The following POM121C variants were observed in gnomAD, a reference collection of about 807,000 sequenced individuals.
The protein encoded by POM121C is POM121 transmembrane nucleoporin C, also known as nuclear envelope pore membrane protein POM 121C.
Under a neutral mutation model 66.4 loss-of-function variants are expected in POM121C, and 20 were observed. The observed-to-expected ratio is 0.30, with a 90% CI of 0.21 to 0.44. POM121C has a LOEUF of 0.44. POM121C is among the 20% of genes least tolerant of loss of function. The pLI, the probability that POM121C is intolerant of heterozygous loss-of-function variation, is 1.00. For missense variants in POM121C, 580 were observed against 1,225.7 expected, an observed-to-expected ratio of 0.47 and a Z score of 7.87; for synonymous variants, 286 against 528.0, an observed-to-expected ratio of 0.54 and a Z score of 6.28.
intron 1 of POM121C, among the ~76,000 whole-genome samples, chr7:75,481,258 T>A (rs1792301141): frequency 6.6e-6 from 1 of 150,840 alleles, no homozygotes; most frequent in Non-Finnish European, 1.5e-5. Flanking sequence ...ATCAAACATA[T>A]ATTATATGTA....
chr7:75,428,932 A>C (rs1790063541), intron 7 of POM121C, among the ~76,000 whole-genome samples: 1 of 149,892 alleles, frequency 6.7e-6, no homozygotes, highest in South Asian at 2.2e-4. Context: ...CCTAGGCAAT[A>C]TAGTGAGGTC....
intron 12 of POM121C, 71 bp downstream of exon 12, chr7:75,423,978 G>T: frequency 6.5e-7 from 1 of 1,533,462 alleles, no homozygotes; most frequent in South Asian, 1.1e-5. Context: ...TGACAGGCAC[G>T]ACGCCCTTAT....
intron 7 of POM121C, among the ~76,000 whole-genome samples, chr7:75,429,515 C>T (rs1488617890): frequency 1.3e-5 from 2 of 152,108 alleles, no homozygotes; most frequent in Non-Finnish European, 2.9e-5. Context: ...CCTGTAATCT[C>T]GGCTACTTGG....
intron 3 of POM121C, among the ~76,000 whole-genome samples, chr7:75,467,597 G>A (rs1417390786): frequency 2.6e-5 from 4 of 151,190 alleles, no homozygotes; most frequent in Admixed American, 2.0e-4. Flanking sequence ...GATGGTGACC[G>A]GGTGAATGCT....
intron 3 of POM121C, among the ~76,000 whole-genome samples, chr7:75,441,972 AG>A (rs1790666413): frequency 3.5e-4 from 4 of 11,284 alleles, no homozygotes; most frequent in African/African-American, 5.2e-4. Flanking sequence ...TCTCACACCA[AG>A]CAAGAGTCAG....
intron 5 of POM121C, among the ~76,000 whole-genome samples, chr7:75,439,668 G>C (rs1489130866): frequency 6.6e-6 from 1 of 152,046 alleles, no homozygotes; most frequent in East Asian, 1.9e-4. Context: ...GTACAGGCAT[G>C]CACCACCATA....
chr7:75,422,000 G>C lies in POM121C; in HGVS notation c.2252C>G (p.Thr751Arg), dbSNP rs148157801. Residue 751 changes from threonine to arginine, a missense_variant, in exon 13 of 15, where the codon ACG becomes AGG. Transcript: ENST00000615331. ...CACGTGCGCAGGCACGATCTTGATCGTGGACGCAGGTGCAGGTGTGGGTGC... is the reference window on the plus strand; with the variant it reads ...CACGTGCGCAGGCACGATCTTGATCCTGGACGCAGGTGCAGGTGTGGGTGC... ...ATAPTPAPAS[T>R]IKIVPAHVPT... is the part of the protein sequence containing the mutation. The C allele has an allele frequency of 6.3e-7, 1 of 1,579,084 alleles. No individual in the cohort carries two copies. Among genetic ancestry groups the C allele is most frequent in the South Asian group, 1.1e-5 (1 of 89,274 alleles).
intron 3 of POM121C, among the ~76,000 whole-genome samples, chr7:75,461,720 C>A (rs1253076010): frequency 6.6e-6 from 1 of 151,912 alleles, no homozygotes; most frequent in Non-Finnish European, 1.5e-5. Context: ...CAAAACAAAT[C>A]TTAAGAAATG....
chr7:75,447,803 C>G (rs1790875414), intron 3 of POM121C, among the ~76,000 whole-genome samples: 2 of 151,828 alleles, frequency 1.3e-5, no homozygotes, highest in African/African-American at 4.8e-5. Flanking sequence ...GCAGGCGGAT[C>G]ACGAGGTCAG....
At chr7:75,439,465 A>C (rs1186371347) in intron 5 of POM121C, among the ~76,000 whole-genome samples, 5 of 152,142 alleles carry the variant, frequency 3.3e-5, no homozygotes, top group African/African-American at 1.2e-4. Flanking sequence ...CACTGCAACA[A>C]ACCTCTGCCT....
intron 3 of POM121C, among the ~76,000 whole-genome samples, chr7:75,464,658 A>T (rs1315726617): frequency 1.3e-5 from 2 of 150,090 alleles, no homozygotes; most frequent in Non-Finnish European, 3.0e-5. Flanking sequence ...GGAAAAAAAT[A>T]GAAATTATTG....
rs587606938 is a variant in POM121C at position 75,462,748 on chromosome 7, A to C, written c.-152+11956T>G. Among the ~76,000 whole-genome samples the C allele has an allele frequency of 8.2e-4, 124 of 151,970 alleles. 1 individual carries two copies. Among genetic ancestry groups the C allele is most frequent in the African/African-American group, 3.0e-3 (123 of 41,370 alleles). ...AGAGGGTATTCCTTGAAAACACTGT[A>C]AATCAAATGCATACCCTGCTGATGC... On this transcript the variant is annotated intron_variant, in intron 3 of 14. Coordinates refer to ENST00000615331, the MANE Select transcript of POM121C (RefSeq NM_001099415.3).
rs236655 is a variant in POM121C at position 75,418,889 on chromosome 7, C to T, written c.2871G>A (p.Ser957=). ...CACCAATGGAAAATGAAGGGGCCGC[C>T]GATCCTGGAAAGATTCAACAAGACC... ...QGFVGVGPFG[S]AAPSFSIGAG... Residue 957 remains serine, a synonymous_variant, in exon 15 of 15, where the codon TCG becomes TCA. Coordinates refer to ENST00000615331, the MANE Select transcript of POM121C (RefSeq NM_001099415.3). 0.016 allele frequency: 24,969 copies of T among 1,610,208 alleles called. 248 individuals are homozygous for T. The highest frequency in any genetic ancestry group is 0.017 in the Non-Finnish European group (19,592 of 1,179,178).
At chr7:75,457,756 C>T (rs1324209277) in intron 3 of POM121C, among the ~76,000 whole-genome samples, 1 of 152,230 alleles carries the variant, frequency 6.6e-6, no homozygotes, top group African/African-American at 2.4e-5. Flanking sequence ...AACCCATTTC[C>T]CGTTCCCCGT....
Position 75,442,680 on chromosome 7 carries a change from G to A in POM121C, c.-151-1033C>T, listed in dbSNP as rs782554194. ...TCCCTGACACTCGCTATCGGCCGCCGCCGCTCGCCTGCTCCAGCCGCCGCA... is the reference window on the plus strand; with the variant it reads ...TCCCTGACACTCGCTATCGGCCGCCACCGCTCGCCTGCTCCAGCCGCCGCA... On this transcript the variant is annotated intron_variant, in intron 3 of 14. Coordinates refer to ENST00000615331, the MANE Select transcript of POM121C (RefSeq NM_001099415.3). 2.4e-4 allele frequency: 342 copies of A among 1,428,400 alleles called. No individual in the cohort carries two copies. In the South Asian group the frequency reaches 4.5e-3, roughly 19 times the overall value. The allele number at this position is 1,428,400 out of a possible 1,614,324, so 88.5% of individuals were successfully genotyped here.
chr7:75,440,076 T>C (rs1434201219), intron 5 of POM121C, among the ~76,000 whole-genome samples: 1 of 151,486 alleles, frequency 6.6e-6, no homozygotes, highest in Non-Finnish European at 1.5e-5. Context: ...AGACGGGGTT[T>C]CACCATGTTG....
Position 75,421,613 on chromosome 7 carries a change from G to A in POM121C, c.2639C>T (p.Pro880Leu), listed in dbSNP as rs782024197. The A allele has an allele frequency of 6.2e-6, 10 of 1,613,536 alleles. No homozygotes were observed. The highest frequency in any genetic ancestry group is 4.4e-5 in the South Asian group (4 of 91,042). The change falls in exon 13 of 15, where the codon CCC (proline) becomes CTC (leucine). Residue 880 changes from proline (P) to leucine (L), a missense_variant. By Grantham distance (98) the Pro-to-Leu change is moderately conservative. Coordinates refer to ENST00000615331, the MANE Select transcript of POM121C (RefSeq NM_001099415.3). The part of the protein sequence containing the change: ...GQSGSTATST[P>L]FTGGLGQNAL... ...GTTCTGACCTAAGCCCCCTGTGAAG[G>A]GGGTGGAGGTGGCTGTGCTCCCACT...
intron 3 of POM121C, among the ~76,000 whole-genome samples, chr7:75,447,320 G>T (rs1563147544): frequency 6.6e-6 from 1 of 151,112 alleles, no homozygotes; most frequent in Non-Finnish European, 1.5e-5. Flanking sequence ...TAAACCCACA[G>T]ACCTGAAGCT....
At chr7:75,448,764 C>T (rs1790921384) in intron 3 of POM121C, among the ~76,000 whole-genome samples, 1 of 149,184 alleles carries the variant, frequency 6.7e-6, no homozygotes, top group South Asian at 2.1e-4. Context: ...GGCGCCACTG[C>T]ACTCCAGCCT....
Sources: gnomAD v4.1 joint callset for allele counts (sites outside exome capture counted in the v4.1 genomes callset) on GRCh38, gnomAD v4.1.1 for gene constraint, MANE v1.5 for transcripts, NCBI Gene and HGNC (gene_info 2026-07-23, HGNC 2026-07-21) for gene names.